NUP54: variants seen among roughly 807,000 people sequenced by gnomAD.
NUP54 encodes nucleoporin 54.
NUP54 carries 27 observed loss-of-function variants against 66.4 expected under a neutral mutation model. That is an observed-to-expected ratio of 0.41 (90% CI 0.30 to 0.56). The LOEUF (loss-of-function observed/expected upper bound fraction) is 0.56, where lower values mean the gene tolerates loss of function less well. NUP54 is among the 20% of genes least tolerant of loss of function. NUP54 has a pLI of 0.34. For missense variants in NUP54, 486 were observed against 596.3 expected, an observed-to-expected ratio of 0.82 and a Z score of 1.93; for synonymous variants, 206 against 210.7, an observed-to-expected ratio of 0.98 and a Z score of 0.19.
At position 76,132,736 on chromosome 4, in the gene NUP54, C is replaced by A. The variant is rs370933155; in HGVS notation, c.711-17G>T. 8.2e-6 allele frequency: 13 copies of A among 1,584,862 alleles called. No individual in the cohort carries two copies. Among genetic ancestry groups the A allele is most frequent in the Non-Finnish European group, 1.1e-5 (13 of 1,162,344 alleles). On this transcript the variant is annotated splice_polypyrimidine_tract_variant and intron_variant, in intron 5 of 11. Transcript: ENST00000264883. Reference sequence around the variant, plus strand: ...ACTTCTGTCCTGAAGGAAGAATAACCAATTTATAAAATATGGAGCACAAAA... The same window carrying A: ...ACTTCTGTCCTGAAGGAAGAATAACAAATTTATAAAATATGGAGCACAAAA...
intron 1 of NUP54, chr4:76,147,418 C>T (rs937697599): frequency 5.3e-6 from 6 of 1,139,496 alleles, no homozygotes; most frequent in African/African-American, 1.6e-5. Context: ...ACTCCAGGAA[C>T]CACAATATTC....
At chr4:76,137,936 T>C (rs1414749070) in intron 3 of NUP54, among the ~76,000 whole-genome samples, 1 of 152,240 alleles carries the variant, frequency 6.6e-6, no homozygotes, top group Non-Finnish European at 1.5e-5. Flanking sequence ...TAAACTGATT[T>C]AAAGAAAATT....
intron 1 of NUP54, among the ~76,000 whole-genome samples, chr4:76,146,348 G>A (rs946085202): frequency 6.6e-6 from 1 of 152,294 alleles, no homozygotes; most frequent in African/African-American, 2.4e-5. Flanking sequence ...AAATTTCAAA[G>A]TAAGATTTCT....
In NUP54 at chr4:76,136,237, A is replaced by C. The variant is rs760220495; in HGVS notation, c.471T>G (p.Asn157Lys). The C allele has an allele frequency of 6.2e-7, 1 of 1,614,084 alleles. No individual in the cohort carries two copies. Among genetic ancestry groups the C allele is most frequent in the South Asian group, 1.1e-5 (1 of 91,082 alleles). ...GTGTGAATTCCACTGGCGGAATATT[A>C]TTGTTGAAATACCCTTTTCCTGTTC... The part of the protein sequence containing the change: ...FWGTGKGYFN[N>K]NIPPVEFTQE... The change falls in exon 4 of 12, where the codon AAT (asparagine) becomes AAG (lysine). Residue 157 changes from asparagine (N) to lysine (K), a missense_variant. Physicochemically the swap from Asn to Lys is moderately conservative, Grantham distance 94. Coordinates refer to ENST00000264883, the MANE Select transcript of NUP54 (RefSeq NM_017426.4).
intron 9 of NUP54, among the ~76,000 whole-genome samples, chr4:76,124,162 G>A (rs1578670107): frequency 6.6e-6 from 1 of 151,762 alleles, no homozygotes; most frequent in East Asian, 1.9e-4. Context: ...TACAGATTTT[G>A]CTGTTTCCCA....
chr4:76,132,888 C>T (rs1313411239), intron 5 of NUP54, among the ~76,000 whole-genome samples, 169 bp from the exon 6 acceptor site: 2 of 148,424 alleles, frequency 1.3e-5, no homozygotes, highest in Non-Finnish European at 3.0e-5. Context: ...GCAAGGTTTG[C>T]TCTGTTGCCC....
At chr4:76,146,057 G>T in intron 1 of NUP54, 1 of 434,542 alleles carries the variant, frequency 2.3e-6, no homozygotes, top group Non-Finnish European at 4.6e-6. Flanking sequence ...ATCTGAATTG[G>T]CTACGCAATA....
rs757576656 is a variant in NUP54, at chr4:76,136,321, C to A, written c.387G>T (p.Leu129=). 2.5e-6 allele frequency: 4 copies of A among 1,613,940 alleles called. No homozygotes were observed. In the South Asian group the frequency reaches 3.3e-5, roughly 13 times the overall value. Residue 129 remains leucine, a synonymous_variant, in exon 4 of 12, where the codon CTG becomes CTT. Transcript: ENST00000264883. ...AAATAGCATCTCTCTCATCTCCCAA[C>A]AGCGTTGGAGCAGAAAGAGCACTCG... ...NTASALSAPT[L]LGDERDAILA... is the part of the protein sequence containing the mutation.
chr4:76,145,235 G>A (rs1179068960), intron 1 of NUP54, among the ~76,000 whole-genome samples: 1 of 151,004 alleles, frequency 6.6e-6, no homozygotes, highest in Non-Finnish European at 1.5e-5. Flanking sequence ...GGAGAATGGC[G>A]TGGACCCGGG....
intron 1 of NUP54, chr4:76,147,626 C>G: frequency 7.8e-7 from 1 of 1,289,554 alleles, no homozygotes; most frequent in Non-Finnish European, 1.0e-6. Flanking sequence ...TTGGCAGTCT[C>G]AAGCCCACCA....
chr4:76,129,882 AAAAAAACCTTAGC>A (rs1372638704), intron 8 of NUP54, among the ~76,000 whole-genome samples: 57 of 144,860 alleles, frequency 3.9e-4, no homozygotes, highest in East Asian at 9.0e-4. Context: ...AAAAAAAAAA[AAAAAAACCTTAGC>A]AAAGTTAAAA....
chr4:76,140,375 T>C (rs1343700969), intron 3 of NUP54, among the ~76,000 whole-genome samples: 2 of 148,994 alleles, frequency 1.3e-5, no homozygotes, highest in African/African-American at 4.9e-5. Context: ...AACCTCTGCC[T>C]ATGGGGTTCA....
chr4:76,123,035 T>C (rs950501079), intron 9 of NUP54, among the ~76,000 whole-genome samples: 5 of 152,216 alleles, frequency 3.3e-5, no homozygotes, highest in Non-Finnish European at 7.3e-5. Context: ...ACTGGTTGCA[T>C]AGGACTGACA....
chr4:76,119,541 T>TC (rs1491117817), intron 9 of NUP54, among the ~76,000 whole-genome samples: 1 of 115,556 alleles, frequency 8.7e-6, no homozygotes, highest in African/African-American at 3.9e-5. Context: ...TAATTTTTTT[T>TC]CTTTTTTTTT....
At chr4:76,145,537 G>GC (rs1364521300) in intron 1 of NUP54, 1 of 1,243,522 alleles carries the variant, frequency 8.0e-7, no homozygotes, top group Non-Finnish European at 1.0e-6. Flanking sequence ...TTCAAAGGAA[G>GC]CATACCAATA....
chr4:76,134,220 G>T lies in NUP54; in HGVS notation c.665C>A (p.Thr222Asn), dbSNP rs1388113365. ...SLHKVLGGNQ[T>N]LTVNVEGTKT... is the part of the protein sequence containing the mutation. ...AGTGCCCTCTACATTTACAGTAAGGGTCTGGTTTCCTCCCAAAACTTTATG... is the reference window on the plus strand; with the variant it reads ...AGTGCCCTCTACATTTACAGTAAGGTTCTGGTTTCCTCCCAAAACTTTATG... The change falls in exon 5 of 12, where the codon ACC becomes AAC. Residue 222 changes from threonine to asparagine, a missense_variant. Thr to Asn is a moderately conservative substitution (Grantham distance 65). Transcript: ENST00000264883. The T allele has an allele frequency of 1.9e-6, 3 of 1,613,552 alleles. No homozygotes were observed. Among genetic ancestry groups the T allele is most frequent in the Admixed American group, 3.3e-5 (2 of 59,998 alleles).
intron 1 of NUP54, chr4:76,148,049 G>A (rs936444265): frequency 2.4e-6 from 1 of 420,238 alleles, no homozygotes; most frequent in East Asian, 3.5e-5. Flanking sequence ...CCCCGGCAGC[G>A]GGAAGCGAAC....
In NUP54 at chr4:76,138,543, C is replaced by G. The variant is rs1578690055; in HGVS notation, c.296-2131G>C. The stretch of plus-strand genomic sequence containing the variant: ...CAAATACTAAAGATACAGTGGTAAA[C>G]AAGGTAGACAAGGTGCATTAAACAA... On this transcript the variant is annotated intron_variant, in intron 3 of 11. Coordinates refer to ENST00000264883, the MANE Select transcript of NUP54 (RefSeq NM_017426.4). 2.6e-5 allele frequency among the ~76,000 whole-genome samples: 4 copies of G among 152,252 alleles called. No homozygotes were observed. The East Asian group carries it at 7.7e-4, about 29-fold the overall frequency.
rs1729893555 is a variant in NUP54, at chr4:76,115,183, G to C, written c.*183C>G. On this transcript the variant is annotated 3_prime_UTR_variant, in exon 12 of 12. Coordinates refer to ENST00000264883, the MANE Select transcript of NUP54 (RefSeq NM_017426.4). ...TATAAATCTTTCAAAGGTTTTCTTTGAAGAGCTGTGAGGTGACTATTTCAG... is the reference window on the plus strand; with the variant it reads ...TATAAATCTTTCAAAGGTTTTCTTTCAAGAGCTGTGAGGTGACTATTTCAG... 4 of 444,502 alleles carry C rather than the reference G, an allele frequency of 9.0e-6. No individual in the cohort carries two copies. In the South Asian group the frequency reaches 3.0e-4, roughly 33 times the overall value. The allele number at this position is 444,502 out of a possible 1,614,324, so 27.5% of individuals were successfully genotyped here. A position where few individuals can be genotyped will look rare whatever the true frequency, so the allele number is the denominator to read the frequency against.
Sources: allele counts gnomAD v4.1 joint callset (sites outside exome capture counted in the v4.1 genomes callset), GRCh38; gene constraint gnomAD v4.1.1; transcripts MANE v1.5; gene names NCBI Gene and HGNC (gene_info 2026-07-23, HGNC 2026-07-21).